Variants in SRPX2 observed in about 807,000 individuals in gnomAD.
The protein encoded by SRPX2 is sushi repeat-containing protein SRPX2.
In SRPX2, 26 loss-of-function variants were observed where a neutral mutation model predicts 45.3. That is an observed-to-expected ratio of 0.57 (90% CI 0.42 to 0.80). The LOEUF (loss-of-function observed/expected upper bound fraction) is 0.80, where lower values mean the gene tolerates loss of function less well. Ranked by LOEUF, SRPX2 falls within the 30% of genes least tolerant of loss-of-function variation. The pLI, the probability that SRPX2 is intolerant of heterozygous loss-of-function variation, is 0.00. For synonymous variants in SRPX2, 125 were observed against 143.7 expected (o/e 0.87, Z 0.93); for missense variants, 355 against 399.8 (o/e 0.89, Z 0.95).
At chrX:100,660,587 T>C (rs2083183954) in intron 3 of SRPX2, among the ~76,000 whole-genome samples, 1 of 111,899 alleles carries the variant, frequency 8.9e-6, no homozygotes, top group Admixed American at 9.5e-5. Flanking sequence ...CCCAGCACTT[T>C]AGGAGGCCAA....
Position 100,666,812 on chromosome X carries a change from G to A in SRPX2, c.840G>A (p.Ala280=), listed in dbSNP as rs139377205. Residue 280 remains alanine, a synonymous_variant, in exon 8 of 11, where the codon GCG becomes GCA. Transcript: ENST00000373004. ...PQHGYLTCTS[A]GDNYGATCEY... is the part of the protein sequence containing the mutation. ...ACGGCTACCTCACCTGCACCTCAGC[G>A]GGGGACAACTATGGTGCCACCTGTG... The A allele has an allele frequency of 2.1e-4, 260 of 1,210,707 alleles. No individual in the cohort carries two copies. In the African/African-American group the frequency reaches 3.3e-3, roughly 15 times the overall value.
chrX:100,647,065 G>A (rs2083137700), intron 2 of SRPX2, among the ~76,000 whole-genome samples: 1 of 111,962 alleles, frequency 8.9e-6, no homozygotes, highest in African/African-American at 3.2e-5. Flanking sequence ...GAGAGCCAGA[G>A]AACAAACTCA....
rs765942697 is a variant in SRPX2 at position 100,664,947 on chromosome X, G to C, written c.529G>C (p.Val177Leu). The change falls in exon 5 of 11, where the codon GTA becomes CTA. Residue 177 changes from valine (V) to leucine (L), a missense_variant. Transcript: ENST00000373004. ...GRWSGGEPVCVDIDPPKIRCP... is the reference protein window; with the variant it reads ...GRWSGGEPVCLDIDPPKIRCP... Reference sequence around the variant, plus strand: ...ATGGAGTGGAGGCGAGCCTGTATGTGTAGGTAAATGCTGGTTGCTCCCAGT... The same window carrying C: ...ATGGAGTGGAGGCGAGCCTGTATGTCTAGGTAAATGCTGGTTGCTCCCAGT... 7.4e-6 allele frequency: 9 copies of C among 1,210,392 alleles called. No homozygotes were observed. Among genetic ancestry groups the C allele is most frequent in the Non-Finnish European group, 1.0e-5 (9 of 895,278 alleles).
intron 10 of SRPX2, 77 bp downstream of exon 10, chrX:100,669,446 CA>C: frequency 1.0e-6 from 1 of 963,860 alleles, no homozygotes; most frequent in Non-Finnish European, 1.4e-6. Flanking sequence ...AGGACACTGG[CA>C]AAAGCGGACT....
intron 10 of SRPX2, among the ~76,000 whole-genome samples, chrX:100,670,183 C>T (rs2083219178): frequency 9.0e-6 from 1 of 111,466 alleles, no homozygotes; most frequent in Admixed American, 9.5e-5. Flanking sequence ...ATTATCTATC[C>T]AGTATCACCC....
chrX:100,654,417 C>T (rs1333940058), intron 3 of SRPX2, among the ~76,000 whole-genome samples: 2 of 111,352 alleles, frequency 1.8e-5, no homozygotes, highest in East Asian at 2.8e-4. Flanking sequence ...AATGACTTCC[C>T]GTAATTTGAA....
At chrX:100,658,078 TTTG>T (rs998565967) in intron 3 of SRPX2, among the ~76,000 whole-genome samples, 13 of 112,615 alleles carry the variant, frequency 1.2e-4, no homozygotes, top group African/African-American at 3.5e-4. Flanking sequence ...CACTCAGTTG[TTTG>T]TTGTTGTTTT....
intron 3 of SRPX2, among the ~76,000 whole-genome samples, chrX:100,652,648 T>G (rs913519991): frequency 2.7e-5 from 3 of 111,600 alleles, no homozygotes; most frequent in Non-Finnish European, 5.7e-5. Flanking sequence ...GGGTAAGAGA[T>G]AAATTGTGTC....
At chrX:100,668,155 G>A in intron 9 of SRPX2, among the ~76,000 whole-genome samples, 1 of 109,721 alleles carries the variant, frequency 9.1e-6, no homozygotes, top group Middle Eastern at 4.7e-3. Context: ...GAACAGGCTA[G>A]GTTACTGAAG....
In SRPX2 at chrX:100,672,869, G is replaced by A. The variant is rs917129177; in HGVS notation, c.*1882G>A. ...CAAATTGGGGGAGCAGTGAGTCAGA[G>A]AGAATCTCCTTCCACTGGGATTTTA... On this transcript the variant is annotated 3_prime_UTR_variant, in exon 11 of 11. Transcript: ENST00000373004. 8.9e-6 allele frequency: 1 copy of A among 112,104 alleles called. No homozygotes were observed. The highest frequency in any genetic ancestry group is 1.9e-5 in the Non-Finnish European group (1 of 53,272). 9.2% of individuals were successfully genotyped at this position (112,104 alleles called of 1,213,427 possible). A position where few individuals can be genotyped will look rare whatever the true frequency, so the allele number is the denominator to read the frequency against.
chrX:100,651,978 T>A (rs985446242), intron 3 of SRPX2, among the ~76,000 whole-genome samples: 5 of 111,649 alleles, frequency 4.5e-5, no homozygotes, highest in African/African-American at 1.6e-4. Flanking sequence ...TCTGATTCTT[T>A]GTTTCTTTGC....
At chrX:100,653,334 C>T (rs1274085052) in intron 3 of SRPX2, among the ~76,000 whole-genome samples, 1 of 111,530 alleles carries the variant, frequency 9.0e-6, no homozygotes, top group Non-Finnish European at 1.9e-5. Flanking sequence ...TTCAAAATAC[C>T]TCAATGTCAC....
At chrX:100,650,629 C>T (rs182722930) in intron 2 of SRPX2, among the ~76,000 whole-genome samples, 156 bp from the exon 3 acceptor site, 1 of 111,498 alleles carries the variant, frequency 9.0e-6, no homozygotes, top group Non-Finnish European at 1.9e-5. Context: ...TGCTGCCTTA[C>T]AATGCAGGAT....
At chrX:100,653,935 G>A (rs2083161250) in intron 3 of SRPX2, among the ~76,000 whole-genome samples, 2 of 112,015 alleles carry the variant, frequency 1.8e-5, no homozygotes, top group Non-Finnish European at 1.9e-5. Flanking sequence ...CTGTATTCCT[G>A]TATTTAACTG....
At chrX:100,646,625 G>A (rs1462054711) in intron 2 of SRPX2, among the ~76,000 whole-genome samples, 1 of 112,308 alleles carries the variant, frequency 8.9e-6, no homozygotes, top group African/African-American at 3.2e-5. Flanking sequence ...GGCCACACTA[G>A]TACAAACATG....
chrX:100,670,010 G>A (rs1341376521), intron 10 of SRPX2, among the ~76,000 whole-genome samples: 4 of 110,714 alleles, frequency 3.6e-5, no homozygotes, highest in Non-Finnish European at 7.6e-5. Flanking sequence ...GACCTCAGGT[G>A]ATCTGCCCAC....
chrX:100,664,914 G>A lies in SRPX2; in HGVS notation c.496G>A (p.Asp166Asn). 1 of 1,210,886 alleles carries A rather than the reference G, an allele frequency of 8.3e-7. No individual in the cohort carries two copies. The highest frequency in any genetic ancestry group is 1.7e-5 in the African/African-American group (1 of 57,866). ...TGATCGCAGCCGAATCTGCATGGAAGATGGGAGATGGAGTGGAGGCGAGCC... is the reference window on the plus strand; with the variant it reads ...TGATCGCAGCCGAATCTGCATGGAAAATGGGAGATGGAGTGGAGGCGAGCC... Reference protein sequence around the residue: ...EGDRSRICMEDGRWSGGEPVC... With the variant: ...EGDRSRICMENGRWSGGEPVC... Residue 166 changes from aspartate to asparagine, a missense_variant, in exon 5 of 11, where the codon GAT becomes AAT. By Grantham distance (23) the Asp-to-Asn change is conservative (BLOSUM62 1). Coordinates refer to ENST00000373004, the MANE Select transcript of SRPX2 (RefSeq NM_014467.3).
rs1199629650 is a variant in SRPX2, at chrX:100,650,785, G to A, written c.83G>A (p.Gly28Asp). 3.3e-6 allele frequency: 4 copies of A among 1,208,644 alleles called. No homozygotes were observed. Among genetic ancestry groups the A allele is most frequent in the African/African-American group, 3.5e-5 (2 of 57,713 alleles). ...TPAVTPTWYA[G>D]SGYYPDESYN... ...TTTGATATTGTCTTCCTTATTCTAGGTTCTGGCTACTATCCGGATGAAAGC... is the reference window on the plus strand; with the variant it reads ...TTTGATATTGTCTTCCTTATTCTAGATTCTGGCTACTATCCGGATGAAAGC... The change falls in exon 3 of 11, where the codon GGT becomes GAT. Residue 28 changes from glycine (G) to aspartate (D), a missense_variant and splice_region_variant. Coordinates refer to ENST00000373004, the MANE Select transcript of SRPX2 (RefSeq NM_014467.3).
chrX:100,648,598 G>T (rs1005489185), intron 2 of SRPX2, among the ~76,000 whole-genome samples: 3 of 112,344 alleles, frequency 2.7e-5, no homozygotes, highest in Non-Finnish European at 5.6e-5. Context: ...ATGGGAAAAT[G>T]GAAAGGTTTA....
Sources: gnomAD v4.1 joint callset for allele counts (sites outside exome capture counted in the v4.1 genomes callset) on GRCh38, gnomAD v4.1.1 for gene constraint, MANE v1.5 for transcripts, NCBI Gene and HGNC (gene_info 2026-07-23, HGNC 2026-07-21) for gene names.